VASH2: variants seen among roughly 807,000 people sequenced by gnomAD.
VASH2 encodes the protein tubulinyl-Tyr carboxypeptidase 2.
Under a neutral mutation model 37.2 loss-of-function variants are expected in VASH2, and 28 were observed. That is an observed-to-expected ratio of 0.75 (90% confidence interval 0.56 to 1.03). VASH2 has a LOEUF of 1.03. VASH2 is among the 50% of genes least tolerant of loss of function. VASH2 has a pLI of 0.00. For synonymous variants in VASH2, 188 were observed against 174.7 expected, an observed-to-expected ratio of 1.08 and a Z score of -0.60; for missense variants, 419 against 459.1, an observed-to-expected ratio of 0.91 and a Z score of 0.80.
intron 3 of VASH2, among the ~76,000 whole-genome samples, chr1:212,965,122 T>C (rs1485656079): frequency 6.6e-6 from 1 of 152,234 alleles, no homozygotes; most frequent in Non-Finnish European, 1.5e-5. Context: ...GATTTTGCCA[T>C]GTTGGCCAGG....
intron 7 of VASH2, among the ~76,000 whole-genome samples, chr1:212,979,389 A>G (rs1005148082): frequency 6.6e-6 from 1 of 152,220 alleles, no homozygotes; most frequent in African/African-American, 2.4e-5. Flanking sequence ...TGTCAGCATT[A>G]CATAAGGCCA....
chr1:212,973,965 C>T lies in VASH2; in HGVS notation c.890C>T (p.Pro297Leu). 3 of 1,613,688 alleles carry T rather than the reference C, an allele frequency of 1.9e-6. No homozygotes were observed. Among genetic ancestry groups the T allele is most frequent in the Non-Finnish European group, 2.5e-6 (3 of 1,179,836 alleles). ...TCACATCTCCTTCAGATCCTGAAAC[C>T]TGCAAGTGCCCACTCTCCGACCCAA... The part of the protein sequence containing the change: ...ARDMRMKILK[P>L]ASAHSPTQVR... The change falls in exon 7 of 8, where the codon CCT becomes CTT. Residue 297 changes from proline to leucine, a missense_variant. By Grantham distance (98) the Pro-to-Leu change is moderately conservative. Around this residue, in one of 3 missense-constraint regions of VASH2, gnomAD observed 177 missense variants for 166.2 expected, o/e 1.06. Transcript: ENST00000517399.
chr1:212,953,329 CCT>C (rs1403892299), intron 2 of VASH2, among the ~76,000 whole-genome samples: 4 of 152,274 alleles, frequency 2.6e-5, no homozygotes, highest in African/African-American at 9.6e-5. Context: ...TTTCTGAAGA[CCT>C]CTTGGGAATG....
chr1:212,972,694 T>C lies in VASH2; in HGVS notation c.612T>C (p.Tyr204=). The change falls in exon 6 of 8, where the codon TAT becomes TAC. Residue 204 remains tyrosine, a synonymous_variant. Coordinates refer to ENST00000517399, the MANE Select transcript of VASH2 (RefSeq NM_001301056.2). ...VVLGIYCNGR[Y]GSLGMSRRAE... is the part of the protein sequence containing the mutation. ...TGGGGATTTACTGCAATGGCCGCTA[T>C]GGCTCATTGGGCATGAGCCGCAGGG... 1 of 1,614,256 alleles carries C rather than the reference T, an allele frequency of 6.2e-7. No homozygotes were observed.
In VASH2 at chr1:212,988,602, G is replaced by A. The variant is rs767396646; in HGVS notation, c.*18G>A. On this transcript the variant is annotated 3_prime_UTR_variant, in exon 8 of 8. Coordinates refer to ENST00000517399, the MANE Select transcript of VASH2 (RefSeq NM_001301056.2). ...GAATTTAGCCAAGCCATACCGGCCA[G>A]CAAGAGGGTTTCTGTGGTGCTTCTC... 2.5e-6 allele frequency: 4 copies of A among 1,613,796 alleles called. No individual in the cohort carries two copies. The highest frequency in any genetic ancestry group is 3.4e-6 in the Non-Finnish European group (4 of 1,179,722).
intron 5 of VASH2, chr1:212,967,424 A>T: frequency 1.7e-6 from 2 of 1,186,964 alleles, no homozygotes; most frequent in Non-Finnish European, 1.1e-6. Flanking sequence ...TATGGGATGG[A>T]TGGCTGTAAG....
chr1:212,986,453 A>C (rs1019868052), intron 7 of VASH2, among the ~76,000 whole-genome samples: 1 of 152,236 alleles, frequency 6.6e-6, no homozygotes. Flanking sequence ...TTTATGAGAG[A>C]ACCAGATGCA....
In VASH2 at chr1:212,988,597, G is replaced by A. The variant is rs199564533; in HGVS notation, c.*13G>A. On this transcript the variant is annotated 3_prime_UTR_variant, in exon 8 of 8. Coordinates refer to ENST00000517399, the MANE Select transcript of VASH2 (RefSeq NM_001301056.2). ...AATCCGAATTTAGCCAAGCCATACC[G>A]GCCAGCAAGAGGGTTTCTGTGGTGC... 542 of 1,613,910 alleles carry A rather than the reference G, an allele frequency of 3.4e-4. 3 individuals are homozygous for A. In the Middle Eastern group the frequency reaches 5.3e-3, roughly 16 times the overall value.
rs2102643492 is a variant in VASH2 at position 212,971,724 on chromosome 1, C to T, written c.498-856C>T. Among the ~76,000 whole-genome samples, 1 of 152,268 alleles carries T rather than the reference C, an allele frequency of 6.6e-6. No homozygotes were observed. The highest frequency in any genetic ancestry group is 3.4e-3 in the Middle Eastern group (1 of 294). On this transcript the variant is annotated intron_variant, in intron 5 of 7. Transcript: ENST00000517399. The surrounding 1 kb of genome is among the most constrained non-coding windows in gnomAD (Gnocchi z 4.0). ...ATTAAACCGAGAGCAGAGGACAAGGCTGCCGCCAGTGCTGTGGATGGATTC... is the reference window on the plus strand; with the variant it reads ...ATTAAACCGAGAGCAGAGGACAAGGTTGCCGCCAGTGCTGTGGATGGATTC...
chr1:212,970,595 T>C (rs1558147432), intron 5 of VASH2, among the ~76,000 whole-genome samples: 2 of 152,112 alleles, frequency 1.3e-5, no homozygotes, highest in Non-Finnish European at 2.9e-5. Context: ...CTCTGCAAAA[T>C]GACCACCATT....
At chr1:212,978,479 A>G (rs545386129) in intron 7 of VASH2, among the ~76,000 whole-genome samples, 1 of 152,188 alleles carries the variant, frequency 6.6e-6, no homozygotes, top group Non-Finnish European at 1.5e-5. Flanking sequence ...CCACGCCCCA[A>G]AGTCGATCCC....
chr1:212,968,696 TCAGGGCCC>T, intron 5 of VASH2: 1 of 985,518 alleles, frequency 1.0e-6, no homozygotes, highest in Non-Finnish European at 1.2e-6. Flanking sequence ...AGCAGATGGC[TCAGGGCCC>T]CAACTCTTTA....
At chr1:212,966,421 A>G (rs1407186806) in intron 5 of VASH2, 76 bp downstream of exon 5, 2 of 1,245,976 alleles carry the variant, frequency 1.6e-6, no homozygotes, top group African/African-American at 1.5e-5. Context: ...TGCCTTTAAC[A>G]TTGTAAATTC....
intron 2 of VASH2, among the ~76,000 whole-genome samples, chr1:212,954,709 C>T (rs550955596): frequency 5.8e-4 from 88 of 152,296 alleles, no homozygotes; most frequent in African/African-American, 2.1e-3. Flanking sequence ...TGAGCCACTG[C>T]GCCCAGCTGG....
At chr1:212,955,527 T>A (rs1199382962) in intron 2 of VASH2, among the ~76,000 whole-genome samples, 1 of 151,992 alleles carries the variant, frequency 6.6e-6, no homozygotes, top group Non-Finnish European at 1.5e-5. Context: ...TCAGAGAGAG[T>A]GGCCAGCCCA....
At chr1:212,981,269 C>T (rs1187379376) in intron 7 of VASH2, among the ~76,000 whole-genome samples, 1 of 152,204 alleles carries the variant, frequency 6.6e-6, no homozygotes, top group Admixed American at 6.5e-5. Context: ...GTTTACATAG[C>T]AACATCAGCT....
At chr1:212,973,229 T>C (rs1667065096) in intron 6 of VASH2, among the ~76,000 whole-genome samples, 1 of 152,236 alleles carries the variant, frequency 6.6e-6, no homozygotes, top group Non-Finnish European at 1.5e-5. Flanking sequence ...TGTTCTGTTT[T>C]GTCGATGTAA....
At chr1:212,968,873 G>C (rs1666924604) in intron 5 of VASH2, 1 of 985,440 alleles carries the variant, frequency 1.0e-6, no homozygotes, top group Middle Eastern at 5.2e-4. Flanking sequence ...TCTTTGTTGA[G>C]GGGTGTCTGA....
At chr1:212,956,799 G>A (rs191581352) in intron 2 of VASH2, among the ~76,000 whole-genome samples, 218 of 152,208 alleles carry the variant, frequency 1.4e-3, no homozygotes, top group Non-Finnish European at 2.3e-3. Context: ...CAAGTATTTG[G>A]TTATTATTTG....
Sources: gnomAD v4.1 joint callset for allele counts (sites outside exome capture counted in the v4.1 genomes callset) on GRCh38, gnomAD v4.1.1 for gene constraint, gnomAD v4.1.1 regional missense constraint, Gnocchi (gnomAD v3.1) non-coding constraint, MANE v1.5 for transcripts, NCBI Gene and HGNC (gene_info 2026-07-23, HGNC 2026-07-21) for gene names.